The following HDLBP variants were observed in gnomAD, a reference collection of about 807,000 sequenced individuals.
The protein encoded by HDLBP is high density lipoprotein binding protein, also known as vigilin.
HDLBP carries 30 observed loss-of-function variants against 137.3 expected under a neutral mutation model. The ratio of observed to expected loss-of-function variants is 0.22; its 90% CI spans 0.16 to 0.30. HDLBP has a LOEUF of 0.30. HDLBP is among the 10% of genes least tolerant of loss of function. HDLBP has a pLI of 1.00. For synonymous variants in HDLBP, 606 were observed against 596.0 expected, an observed-to-expected ratio of 1.02 and a Z score of -0.24; for missense variants, 1,119 against 1,667.3, an observed-to-expected ratio of 0.67 and a Z score of 5.73.
chr2:241,284,933 G>A (rs946369456), intron 1 of HDLBP, among the ~76,000 whole-genome samples: 1 of 152,186 alleles, frequency 6.6e-6, no homozygotes, highest in African/African-American at 2.4e-5. Context: ...GGAGTGCAGT[G>A]GCACAGTCTT....
chr2:241,235,369 TC>T, intron 22 of HDLBP, 114 bp from the exon 23 acceptor site: 1 of 1,517,854 alleles, frequency 6.6e-7, no homozygotes, highest in Non-Finnish European at 9.1e-7. Flanking sequence ...TGAAGGGAAG[TC>T]AGTGCCCAGT....
In HDLBP at chr2:241,272,434, G is replaced by A. The variant is rs1040343821; in HGVS notation, c.-102-3893C>T. The A allele has an allele frequency of 1.2e-5, 12 of 984,754 alleles. No individual in the cohort carries two copies. Among genetic ancestry groups the A allele is most frequent in the Non-Finnish European group, 1.4e-5 (12 of 829,720 alleles). 61.0% of individuals were successfully genotyped at this position (984,754 alleles called of 1,614,324 possible). A position where few individuals can be genotyped will look rare whatever the true frequency, so the allele number is the denominator to read the frequency against. On this transcript the variant is annotated intron_variant, in intron 1 of 27. Coordinates refer to ENST00000310931, the MANE Select transcript of HDLBP (RefSeq NM_005336.6). The surrounding 1 kb of genome is among the most constrained non-coding windows in gnomAD (Gnocchi z 5.6). Reference sequence around the variant, plus strand: ...GGGTGCCCCACCGAAGCCCCGGGAGGAGGCGGGGGAGCCCAGCTTGCAGCC... The same window carrying A: ...GGGTGCCCCACCGAAGCCCCGGGAGAAGGCGGGGGAGCCCAGCTTGCAGCC...
intron 1 of HDLBP, among the ~76,000 whole-genome samples, chr2:241,296,031 A>T (rs67652230): frequency 0.53 from 79,058 of 149,094 alleles, 21,636 homozygotes; most frequent in East Asian, 0.78. Context: ...CCAGTAGGAT[A>T]TTTTTTTAAC....
At chr2:241,297,128 C>G (rs1052696827) in intron 1 of HDLBP, among the ~76,000 whole-genome samples, 1 of 143,094 alleles carries the variant, frequency 7.0e-6, no homozygotes, top group African/African-American at 2.5e-5. Flanking sequence ...TGTTTTTAAA[C>G]TGGGGATACG....
rs1349508033 is a variant in HDLBP, at chr2:241,239,026, G to A, written c.2611-239C>T. 1.3e-5 allele frequency among the ~76,000 whole-genome samples: 2 copies of A among 152,182 alleles called. No individual in the cohort carries two copies. The highest frequency in any genetic ancestry group is 2.9e-5 in the Non-Finnish European group (2 of 68,024). On this transcript the variant is annotated intron_variant, in intron 19 of 27. Coordinates refer to ENST00000310931, the MANE Select transcript of HDLBP (RefSeq NM_005336.6). This position sits in a 1 kb window ranked among gnomAD's most constrained non-coding sequence, Gnocchi z 4.6. Reference sequence around the variant, plus strand: ...GAAGGCCAGGTGCCATCCCTGGAGGGTGGCCAATTCAGCCAAAGGAGTGGG... The same window carrying A: ...GAAGGCCAGGTGCCATCCCTGGAGGATGGCCAATTCAGCCAAAGGAGTGGG...
intron 1 of HDLBP, among the ~76,000 whole-genome samples, chr2:241,271,509 C>T (rs540478424): frequency 7.2e-5 from 11 of 152,132 alleles, no homozygotes; most frequent in African/African-American, 2.6e-4. Context: ...TTTCTGACAG[C>T]AACAAAAAAG....
At chr2:241,309,198 T>A (rs2075684763) in intron 1 of HDLBP, among the ~76,000 whole-genome samples, 1 of 152,200 alleles carries the variant, frequency 6.6e-6, no homozygotes, top group African/African-American at 2.4e-5. Context: ...ATTTTCCTCC[T>A]TTCTTCTTGT....
intron 20 of HDLBP, among the ~76,000 whole-genome samples, chr2:241,237,427 G>A (rs1242680028): frequency 6.6e-6 from 1 of 152,166 alleles, no homozygotes; most frequent in African/African-American, 2.4e-5. Context: ...TCACAAAACA[G>A]ACACAACAAT....
At chr2:241,245,674 C>T (rs572038708) in intron 16 of HDLBP, among the ~76,000 whole-genome samples, 3 of 152,238 alleles carry the variant, frequency 2.0e-5, no homozygotes, top group East Asian at 1.9e-4. Context: ...CGGTAGCATG[C>T]ACCTGTGGTC....
At chr2:241,298,566 T>G (rs901314929) in intron 1 of HDLBP, among the ~76,000 whole-genome samples, 1 of 152,166 alleles carries the variant, frequency 6.6e-6, no homozygotes, top group Non-Finnish European at 1.5e-5. Flanking sequence ...AAAGTTGAGA[T>G]AGTTGAGATA....
At position 241,238,466 on chromosome 2, in the gene HDLBP, T is replaced by C; in HGVS notation, c.2749+183A>G. On this transcript the variant is annotated intron_variant, in intron 20 of 27. Coordinates refer to ENST00000310931, the MANE Select transcript of HDLBP (RefSeq NM_005336.6). The surrounding 1 kb of genome is among the most constrained non-coding windows in gnomAD (Gnocchi z 4.9). ...GAAGGTCACCTGGTCACTCTGTCAG[T>C]AACTGACGTGGTCCATCTTTTAAAG... is the stretch of plus-strand genomic sequence containing the variant. 2.1e-6 allele frequency: 1 copy of C among 467,996 alleles called. No homozygotes were observed. The highest frequency in any genetic ancestry group is 3.2e-5 in the East Asian group (1 of 31,656). 29.0% of individuals were successfully genotyped at this position (467,996 alleles called of 1,614,324 possible).
chr2:241,253,328 C>T lies in HDLBP; in HGVS notation c.1293+65G>A, dbSNP rs548828337. ...ATGTGGGATGTCATCGAGAGATGAC[C>T]GCCCATGCCCAACTCAGAGCCTCCC... On this transcript the variant is annotated intron_variant, in intron 10 of 27. Transcript: ENST00000310931. 2.6e-4 allele frequency: 288 copies of T among 1,091,050 alleles called. 1 individual carries two copies. The African/African-American group carries it at 3.8e-3, about 14-fold the overall frequency. 67.6% of individuals were successfully genotyped at this position (1,091,050 alleles called of 1,614,324 possible). A position where few individuals can be genotyped will look rare whatever the true frequency, so the allele number is the denominator to read the frequency against.
At chr2:241,271,650 C>T (rs976924482) in intron 1 of HDLBP, among the ~76,000 whole-genome samples, 2 of 152,162 alleles carry the variant, frequency 1.3e-5, no homozygotes, top group African/African-American at 4.8e-5. Flanking sequence ...AGTAATACTC[C>T]AGGAAGAATT....
intron 2 of HDLBP, chr2:241,267,489 G>GC (rs2149548290): frequency 7.7e-7 from 1 of 1,306,832 alleles, no homozygotes; most frequent in Non-Finnish European, 1.1e-6. Flanking sequence ...CCTGCCACCT[G>GC]CCTGACCCAG....
rs183627847 is a variant in HDLBP, at chr2:241,256,768, G to A, written c.489C>T (p.Arg163=). 6.2e-7 allele frequency: 1 copy of A among 1,614,204 alleles called. No individual in the cohort carries two copies. Among genetic ancestry groups the A allele is most frequent in the East Asian group, 2.2e-5 (1 of 44,884 alleles). Residue 163 remains arginine, a synonymous_variant, in exon 6 of 28, where the codon CGC becomes CGT. Transcript: ENST00000310931. ...ATVAIPKEHH[R]FVIGKNGEKL... is the part of the protein sequence containing the mutation. ...TCTCTCCATTTTTGCCAATAACAAAGCGATGGTGTTCTTTGGGAATGGCAA... is the reference window on the plus strand; with the variant it reads ...TCTCTCCATTTTTGCCAATAACAAAACGATGGTGTTCTTTGGGAATGGCAA...
intron 16 of HDLBP, among the ~76,000 whole-genome samples, chr2:241,244,974 T>C (rs762917577): frequency 2.6e-5 from 4 of 152,132 alleles, no homozygotes; most frequent in Non-Finnish European, 4.4e-5. Flanking sequence ...AGGGTGATGG[T>C]TGCACAACCT....
intron 1 of HDLBP, chr2:241,269,572 C>G (rs2073912515): frequency 6.6e-6 from 1 of 152,194 alleles, no homozygotes. Flanking sequence ...CTGCCACAAA[C>G]CAGAGACACT....
intron 1 of HDLBP, among the ~76,000 whole-genome samples, chr2:241,283,765 C>T (rs973664965): frequency 3.3e-5 from 5 of 152,188 alleles, no homozygotes; most frequent in African/African-American, 4.8e-5. Flanking sequence ...TGAGCTACTG[C>T]GCCCAGCCAA....
chr2:241,257,408 T>G (rs1477745422), intron 5 of HDLBP, among the ~76,000 whole-genome samples: 1 of 152,144 alleles, frequency 6.6e-6, no homozygotes, highest in Non-Finnish European at 1.5e-5. Flanking sequence ...AATTTTTATA[T>G]TTTTAGTAGA....
Sources: allele counts gnomAD v4.1 joint callset (sites outside exome capture counted in the v4.1 genomes callset), GRCh38; gene constraint gnomAD v4.1.1; non-coding constraint Gnocchi (gnomAD v3.1); transcripts MANE v1.5; gene names NCBI Gene and HGNC (gene_info 2026-07-23, HGNC 2026-07-21).